The following SPATS2 variants were observed in gnomAD, a reference collection of about 807,000 sequenced individuals.
SPATS2 encodes the protein spermatogenesis associated serine rich 2, also known as spermatogenesis-associated serine-rich protein 2.
A neutral mutation model predicts 63.7 loss-of-function variants in SPATS2; 38 were observed. The ratio of observed to expected loss-of-function variants is 0.60; its 90% CI spans 0.46 to 0.78. The LOEUF is 0.78. Ranked by LOEUF, SPATS2 falls within the 30% of genes least tolerant of loss-of-function variation. The probability of loss-of-function intolerance (pLI) is 0.00; values close to 1 mark genes in which losing one functional copy is unlikely to be tolerated. For missense variants in SPATS2, 588 were observed against 666.2 expected, an observed-to-expected ratio of 0.88 and a Z score of 1.29; for synonymous variants, 207 against 232.9, an observed-to-expected ratio of 0.89 and a Z score of 1.01.
intron 2 of SPATS2, among the ~76,000 whole-genome samples, chr12:49,429,747 T>C (rs1945146104): frequency 6.6e-6 from 1 of 150,758 alleles, no homozygotes; most frequent in South Asian, 2.1e-4. Context: ...TGAGCCACTG[T>C]GCCTGGCCTA....
Position 49,512,819 on chromosome 12 carries a change from C to G in SPATS2, c.840-1736C>G. On this transcript the variant is annotated intron_variant, in intron 9 of 13. Transcript: ENST00000552918. ...AGAGAGGTAATGTCAAACTGTAGGC[C>G]TGGCAGCTCCTGTCTCAGTTGTGCT... The G allele has an allele frequency of 7.8e-6, 10 of 1,280,928 alleles. No homozygotes were observed. The South Asian group carries it at 1.1e-4, about 14-fold the overall frequency. The allele number at this position is 1,280,928 out of a possible 1,614,324, so 79.3% of individuals were successfully genotyped here.
intron 2 of SPATS2, among the ~76,000 whole-genome samples, chr12:49,426,122 T>A (rs1472882772): frequency 2.6e-5 from 4 of 152,188 alleles, no homozygotes; most frequent in African/African-American, 9.6e-5. Flanking sequence ...CAATTCATGC[T>A]AAGGGTAATG....
At chr12:49,379,000 C>T (rs1213670104) in intron 2 of SPATS2, among the ~76,000 whole-genome samples, 3 of 151,812 alleles carry the variant, frequency 2.0e-5, no homozygotes, top group Non-Finnish European at 4.4e-5. Flanking sequence ...TCACTTCAAC[C>T]TCTGCCTCCC....
chr12:49,372,760 C>T (rs1944020314), intron 2 of SPATS2, among the ~76,000 whole-genome samples: 1 of 151,856 alleles, frequency 6.6e-6, no homozygotes, highest in Admixed American at 6.6e-5. Context: ...TTAAATATTT[C>T]GAGCGGATAC....
Position 49,372,940 on chromosome 12 carries a change from TTGTGTGTGTGTG to T in SPATS2, c.-244+1691_-244+1702del, listed in dbSNP as rs56940721. 4.2e-3 allele frequency among the ~76,000 whole-genome samples: 552 copies of T among 130,122 alleles called. 2 individuals are homozygous for T. The highest frequency in any genetic ancestry group is 9.7e-3 in the African/African-American group (335 of 34,692). 85.4% of individuals were successfully genotyped at this position (130,122 alleles called of 152,430 possible). ...CTAGCCTCTCATTTGATTTTCTGTT[TTGTGTGTGTGTG>T]TGTGTGTGTGTGTGTGTGTGTGTGT... On this transcript the variant is annotated intron_variant, in intron 2 of 13. Coordinates refer to ENST00000552918, the MANE Select transcript of SPATS2 (RefSeq NM_023071.4).
Position 49,522,852 on chromosome 12 carries a change from A to G in SPATS2, c.1110A>G (p.Gln370=). Residue 370 remains glutamine, a splice_region_variant and synonymous_variant, in exon 12 of 14, where the codon CAA becomes CAG. Transcript: ENST00000552918. ...TLKKSIDSFG[Q]VSHPKNSYST... is the part of the protein sequence containing the mutation. ...AGAAGAGCATTGATTCATTTGGACA[A>G]GGTGAGATGGTGAGAGGGTCTGGGC... The G allele has an allele frequency of 6.2e-7, 1 of 1,612,628 alleles. No homozygotes were observed. The highest frequency in any genetic ancestry group is 2.2e-5 in the East Asian group (1 of 44,840).
chr12:49,466,003 C>T (rs1216078538), intron 3 of SPATS2, among the ~76,000 whole-genome samples: 1 of 151,036 alleles, frequency 6.6e-6, no homozygotes, highest in East Asian at 1.9e-4. Context: ...TGATGAAGCC[C>T]AATTTATCTT....
At chr12:49,396,643 C>G (rs1383906898) in intron 2 of SPATS2, among the ~76,000 whole-genome samples, 1 of 152,218 alleles carries the variant, frequency 6.6e-6, no homozygotes, top group Non-Finnish European at 1.5e-5. Flanking sequence ...TGGTGCAGGA[C>G]TAGGATCCAG....
chr12:49,430,377 C>T (rs926650897), intron 2 of SPATS2, among the ~76,000 whole-genome samples: 1 of 152,048 alleles, frequency 6.6e-6, no homozygotes, highest in Non-Finnish European at 1.5e-5. Context: ...GCCGGGATTA[C>T]AGGCGTGACC....
At chr12:49,410,783 GA>G (rs1944784573) in intron 2 of SPATS2, among the ~76,000 whole-genome samples, 2 of 151,664 alleles carry the variant, frequency 1.3e-5, no homozygotes, top group African/African-American at 4.8e-5. Flanking sequence ...AGCTTAAAAG[GA>G]ATTTTTTTTT....
chr12:49,489,657 G>T lies in SPATS2; in HGVS notation c.214+84G>T, dbSNP rs907541262. On this transcript the variant is annotated intron_variant, in intron 5 of 13. Coordinates refer to ENST00000552918, the MANE Select transcript of SPATS2 (RefSeq NM_023071.4). Reference sequence around the variant, plus strand: ...GACTTTTATAACATTCAGCAATCCAGTGATTCATAGATGATAGAGCAGACC... The same window carrying T: ...GACTTTTATAACATTCAGCAATCCATTGATTCATAGATGATAGAGCAGACC... 7.1e-6 allele frequency: 8 copies of T among 1,133,224 alleles called. No individual in the cohort carries two copies. In the Admixed American group the frequency reaches 1.7e-4, roughly 24 times the overall value. The allele number at this position is 1,133,224 out of a possible 1,614,324, so 70.2% of individuals were successfully genotyped here.
chr12:49,379,049 C>T (rs914871370), intron 2 of SPATS2, among the ~76,000 whole-genome samples: 7 of 151,782 alleles, frequency 4.6e-5, no homozygotes, highest in Admixed American at 3.3e-4. Flanking sequence ...TCCTCAGTAG[C>T]TGGGATTACA....
chr12:49,428,693 C>T (rs980874794), intron 2 of SPATS2, among the ~76,000 whole-genome samples: 1 of 152,090 alleles, frequency 6.6e-6, no homozygotes, highest in Non-Finnish European at 1.5e-5. Flanking sequence ...TGTTAAATAA[C>T]AGTTGATCAG....
chr12:49,482,623 C>G (rs1055227188), intron 3 of SPATS2, among the ~76,000 whole-genome samples: 3 of 152,186 alleles, frequency 2.0e-5, no homozygotes, highest in African/African-American at 7.2e-5. Context: ...TTATTAAACT[C>G]TATTAAGATT....
chr12:49,412,709 C>G (rs1253352859), intron 2 of SPATS2, among the ~76,000 whole-genome samples: 1 of 150,630 alleles, frequency 6.6e-6, no homozygotes, highest in African/African-American at 2.4e-5. Flanking sequence ...TCACAACACA[C>G]TGTACTACTA....
At chr12:49,409,271 G>T (rs1944752627) in intron 2 of SPATS2, among the ~76,000 whole-genome samples, 2 of 152,038 alleles carry the variant, frequency 1.3e-5, no homozygotes, top group Admixed American at 6.6e-5. Flanking sequence ...AAGTGGAGAG[G>T]TGGAGAATAT....
intron 2 of SPATS2, among the ~76,000 whole-genome samples, chr12:49,376,141 G>A (rs1434906140): frequency 8.5e-6 from 1 of 117,274 alleles, no homozygotes; most frequent in African/African-American, 3.4e-5. Flanking sequence ...TCACTCTGTC[G>A]CCCATGCTGG....
chr12:49,490,772 T>G, intron 6 of SPATS2, 41 bp downstream of exon 6: 1 of 1,586,004 alleles, frequency 6.3e-7, no homozygotes, highest in South Asian at 1.1e-5. Context: ...ATGTGTATAT[T>G]ATTTTTAAAA....
intron 10 of SPATS2, among the ~76,000 whole-genome samples, chr12:49,516,631 A>G (rs947436111): frequency 2.6e-5 from 4 of 151,700 alleles, no homozygotes; most frequent in Non-Finnish European, 4.4e-5. Context: ...ACTTGAACCC[A>G]GGGGGCAGAG....
Sources: gnomAD v4.1 joint callset for allele counts (sites outside exome capture counted in the v4.1 genomes callset) on GRCh38, gnomAD v4.1.1 for gene constraint, MANE v1.5 for transcripts, NCBI Gene and HGNC (gene_info 2026-07-23, HGNC 2026-07-21) for gene names.